CRYAB: variants seen among roughly 807,000 people sequenced by gnomAD.
The protein encoded by CRYAB is crystallin alpha B.
CRYAB carries 9 observed loss-of-function variants against 12.7 expected under a neutral mutation model. The ratio of observed to expected loss-of-function variants is 0.71; its 90% CI spans 0.43 to 1.24. CRYAB has a LOEUF of 1.24. CRYAB is among the 50% of genes most tolerant of loss of function. The pLI is 0.00. For synonymous variants in CRYAB, 93 were observed against 86.8 expected (o/e 1.07, Z -0.40); for missense variants, 183 against 226.6 (o/e 0.81, Z 1.24).
At chr11:111,912,675 A>ACCCCC, upstream of CRYAB, 1 of 379,180 alleles carries the variant, frequency 2.6e-6, no homozygotes, top group Non-Finnish European at 5.1e-6. Flanking sequence ...CCCCACTCCC[A>ACCCCC]GCCCCTCCCC....
chr11:111,911,517 G>A lies in CRYAB; in HGVS notation c.201+7C>T. 1 of 1,606,236 alleles carries A rather than the reference G, an allele frequency of 6.2e-7. No individual in the cohort carries two copies. Among genetic ancestry groups the A allele is most frequent in the Non-Finnish European group, 8.5e-7 (1 of 1,176,926 alleles). On this transcript the variant is annotated splice_region_variant and intron_variant, in intron 1 of 2. Transcript: ENST00000650687. Reference sequence around the variant, plus strand: ...GACTCTCCCGTCCTAGCTGTGGGGAGACTCACCTCTGAGAGTCCAGTGTCA... The same window carrying A: ...GACTCTCCCGTCCTAGCTGTGGGGAAACTCACCTCTGAGAGTCCAGTGTCA...
At chr11:111,909,971 T>TGG in intron 2 of CRYAB, 2 of 595,422 alleles carry the variant, frequency 3.4e-6, no homozygotes, top group Admixed American at 3.0e-5. Flanking sequence ...TAGTGCTCGC[T>TGG]TCGGCAGCAC....
At chr11:111,918,973 A>C (rs1555166293) in intron 1 of CRYAB, 2 of 1,614,138 alleles carry the variant, frequency 1.2e-6, no homozygotes, top group South Asian at 1.1e-5. Context: ...ACAGAGCGCC[A>C]TGGGAAACCG....
rs1555165234 is a variant in CRYAB, at chr11:111,908,855, T to C, written c.437A>G (p.Asn146Ser). 6.2e-7 allele frequency: 1 copy of C among 1,614,078 alleles called. No individual in the cohort carries two copies. ...SLSSDGVLTV[N>S]GPRKQVSGPE... ...GCCAGAGACCTGTTTCCTTGGTCCA[T>C]TCACAGTGAGGACCCCATCAGATGA... The change falls in exon 3 of 3, where the codon AAT becomes AGT. Residue 146 changes from asparagine to serine, a missense_variant. Asn to Ser is a conservative substitution (Grantham distance 46). Coordinates refer to ENST00000650687, the MANE Select transcript of CRYAB (RefSeq NM_001289808.2).
At chr11:111,911,271 T>C (rs565051722) in intron 1 of CRYAB, among the ~76,000 whole-genome samples, 1 of 152,284 alleles carries the variant, frequency 6.6e-6, no homozygotes, top group East Asian at 1.9e-4. Flanking sequence ...GAAAGGGGTA[T>C]CCTGTAGAGA....
At chr11:111,913,216 C>CCCTCCTCCTCCTTCTCCTCCT (rs1566413774), upstream of CRYAB, 1 of 603,606 alleles carries the variant, frequency 1.7e-6, no homozygotes, top group Non-Finnish European at 2.9e-6. Context: ...CTCCTCCTCC[C>CCCTCCTCCTCCTTCTCCTCCT]CCTCCTCCTC....
upstream of CRYAB, chr11:111,911,791 C>T (rs1032799760): frequency 1.2e-5 from 13 of 1,071,582 alleles, no homozygotes; most frequent in Non-Finnish European, 1.7e-5. Flanking sequence ...ACAGCCAGCC[C>T]CTTATATATG....
upstream of CRYAB, chr11:111,913,394 GCCTCATCCTC>G (rs1965533301): frequency 1.4e-6 from 2 of 1,463,464 alleles, no homozygotes; most frequent in East Asian, 2.3e-5. Context: ...CCCTGTGCCA[GCCTCATCCTC>G]CCTCATCCTG....
chr11:111,915,619 T>C (rs982403362), upstream of CRYAB, among the ~76,000 whole-genome samples: 5 of 152,236 alleles, frequency 3.3e-5, no homozygotes, highest in Non-Finnish European at 7.3e-5. Flanking sequence ...ATAAGAAATT[T>C]GAAAACTTCT....
chr11:111,914,697 TG>T (rs1280024724), upstream of CRYAB, among the ~76,000 whole-genome samples: 1 of 152,170 alleles, frequency 6.6e-6, no homozygotes, highest in Non-Finnish European at 1.5e-5. Context: ...CTACATGATT[TG>T]GGGGAAGTGT....
At chr11:111,912,897 G>T (rs1261363559), upstream of CRYAB, 18 of 1,608,412 alleles carry the variant, frequency 1.1e-5, no homozygotes, top group Non-Finnish European at 1.5e-5. Context: ...AACCCGAGCC[G>T]CCTGGGTGAG....
chr11:111,922,433 A>G (rs1203253390), intron 1 of CRYAB, among the ~76,000 whole-genome samples: 2 of 152,246 alleles, frequency 1.3e-5, no homozygotes, highest in Admixed American at 1.3e-4. Context: ...TACAAAGGTA[A>G]TAATCATTCA....
At chr11:111,910,256 G>A in intron 2 of CRYAB, 71 bp downstream of exon 2, 3 of 1,594,392 alleles carry the variant, frequency 1.9e-6, no homozygotes, top group Non-Finnish European at 2.6e-6. Flanking sequence ...CTCCAAAGCT[G>A]ATAGCACTAC....
intron 1 of CRYAB, among the ~76,000 whole-genome samples, chr11:111,921,070 A>T (rs1965690418): frequency 6.6e-6 from 1 of 152,212 alleles, no homozygotes; most frequent in East Asian, 1.9e-4. Flanking sequence ...TCCTGGTTTT[A>T]TTCTGTCTAC....
chr11:111,918,103 A>G (rs1555166227), upstream of CRYAB: 1 of 152,298 alleles, frequency 6.6e-6, no homozygotes. Context: ...AACACTAAAA[A>G]TGGGGTGAGA....
upstream of CRYAB, among the ~76,000 whole-genome samples, chr11:111,916,643 AATT>A (rs1965601624): frequency 6.6e-6 from 1 of 152,132 alleles, no homozygotes; most frequent in African/African-American, 2.4e-5. Context: ...CTAGACCTAA[AATT>A]ATTATTCCAG....
chr11:111,909,884 CTG>C (rs1965398259), intron 2 of CRYAB: 1 of 471,986 alleles, frequency 2.1e-6, no homozygotes, highest in African/African-American at 1.9e-5. Context: ...TCAACCTTGA[CTG>C]TAGATTAGAA....
At chr11:111,919,131 CTCCTTGT>C in intron 1 of CRYAB, 1 of 1,047,162 alleles carries the variant, frequency 9.5e-7, no homozygotes, top group African/African-American at 1.6e-5. Flanking sequence ...TGCCTGGTAC[CTCCTTGT>C]TCCAACACCA....
intron 2 of CRYAB, chr11:111,909,889 G>T (rs1272619165): frequency 1.2e-5 from 6 of 485,664 alleles, no homozygotes; most frequent in Non-Finnish European, 2.2e-5. Context: ...CTTGACTGTA[G>T]ATTAGAATTA....
Sources: allele counts gnomAD v4.1 joint callset (sites outside exome capture counted in the v4.1 genomes callset), GRCh38; gene constraint gnomAD v4.1.1; transcripts MANE v1.5; gene names NCBI Gene and HGNC (gene_info 2026-07-23, HGNC 2026-07-21).